The following HPS1 variants were observed in gnomAD, a reference collection of about 807,000 sequenced individuals.
HPS1 encodes HPS1 biogenesis of lysosomal organelles complex 3 subunit 1.
HPS1 carries 59 observed loss-of-function variants against 90.6 expected under a neutral mutation model. The observed-to-expected ratio is 0.65, with a 90% CI of 0.53 to 0.81. HPS1 has a LOEUF of 0.81. Among genes scored for constraint, HPS1 ranks in the 30% least tolerant of loss-of-function variants. The pLI is 0.00. For missense variants in HPS1, 849 were observed against 896.7 expected (o/e 0.95, Z 0.68); for synonymous variants, 388 against 384.4 (o/e 1.01, Z -0.11).
chr10:98,429,718 A>G, intron 9 of HPS1, 73 bp downstream of exon 9: 1 of 1,613,772 alleles, frequency 6.2e-7, no homozygotes, highest in South Asian at 1.1e-5. Context: ...CCCAGGAGGG[A>G]TGGGAAAGGC....
downstream of HPS1, chr10:98,415,120 G>A (rs764535970): frequency 6.8e-6 from 11 of 1,613,064 alleles, no homozygotes; most frequent in Middle Eastern, 1.6e-4. Flanking sequence ...CAGAGACCTC[G>A]GCCACTTGCA....
chr10:98,415,205 C>A (rs1038108195), downstream of HPS1: 11 of 1,550,630 alleles, frequency 7.1e-6, no homozygotes, highest in African/African-American at 1.2e-4. Flanking sequence ...GCCCTAGGCA[C>A]GGGGTGGAGC....
Position 98,445,083 on chromosome 10 carries a change from C to T in HPS1, c.-1+217G>A, listed in dbSNP as rs1939244602. Among the ~76,000 whole-genome samples the T allele has an allele frequency of 6.6e-6, 1 of 152,126 alleles. No homozygotes were observed. Among genetic ancestry groups the T allele is most frequent in the Non-Finnish European group, 1.5e-5 (1 of 68,026 alleles). On this transcript the variant is annotated intron_variant, in intron 2 of 19. Transcript: ENST00000361490. The surrounding 1 kb of genome is among the most constrained non-coding windows in gnomAD (Gnocchi z 4.5). Reference sequence around the variant, plus strand: ...GCTGGGAGGAGCTTTAAAGATGCAGCAGGCTGTGATGACCTGCCTGGATTC... The same window carrying T: ...GCTGGGAGGAGCTTTAAAGATGCAGTAGGCTGTGATGACCTGCCTGGATTC...
In HPS1 at chr10:98,443,264, G is replaced by C. The variant is rs187335580; in HGVS notation, c.1-24C>G. 1.9e-3 allele frequency: 3,056 copies of C among 1,572,946 alleles called. 7 individuals carry two copies. The highest frequency in any genetic ancestry group is 2.5e-3 in the Non-Finnish European group (2,843 of 1,142,478). Reference sequence around the variant, plus strand: ...ATCTGCCAGGGAAAGGCAAGGTCAAGGTCAGCCTCCAGCCCCAACATCTAT... The same window carrying C: ...ATCTGCCAGGGAAAGGCAAGGTCAACGTCAGCCTCCAGCCCCAACATCTAT... On this transcript the variant is annotated intron_variant, in intron 2 of 19. Coordinates refer to ENST00000361490, the MANE Select transcript of HPS1 (RefSeq NM_000195.5).
chr10:98,424,497 G>C, intron 13 of HPS1, 123 bp from the exon 14 acceptor site: 1 of 804,668 alleles, frequency 1.2e-6, no homozygotes, highest in Non-Finnish European at 2.1e-6. Context: ...TGCCCTTCTG[G>C]CCAATGCAGG....
At chr10:98,430,913 G>A (rs1846353328) in intron 7 of HPS1, among the ~76,000 whole-genome samples, 1 of 152,216 alleles carries the variant, frequency 6.6e-6, no homozygotes, top group Non-Finnish European at 1.5e-5. Flanking sequence ...AACATAAAAG[G>A]AAGTTCTAGA....
Position 98,420,172 on chromosome 10 carries a change from A to G in HPS1, c.1744-14T>C. 1 of 1,574,922 alleles carries G rather than the reference A, an allele frequency of 6.3e-7. No homozygotes were observed. The highest frequency in any genetic ancestry group is 1.3e-5 in the African/African-American group (1 of 74,208). ...CAGAGACCAGACCTGGGGAAAAGAC[A>G]GCAAGCATCACCACTCTCCCAGCCT... On this transcript the variant is annotated splice_polypyrimidine_tract_variant and intron_variant, in intron 17 of 19. Coordinates refer to ENST00000361490, the MANE Select transcript of HPS1 (RefSeq NM_000195.5).
chr10:98,443,637 G>A (rs1444139785), intron 2 of HPS1, among the ~76,000 whole-genome samples: 1 of 152,204 alleles, frequency 6.6e-6, no homozygotes, highest in Non-Finnish European at 1.5e-5. Context: ...GAATGCCCAG[G>A]GAGGCCATGC....
Position 98,435,427 on chromosome 10 carries a change from G to T in HPS1, c.256-13C>A. 1 of 1,613,646 alleles carries T rather than the reference G, an allele frequency of 6.2e-7. No individual in the cohort carries two copies. Among genetic ancestry groups the T allele is most frequent in the Non-Finnish European group, 8.5e-7 (1 of 1,180,014 alleles). ...GGCATTCTCCAAACTGCAGGCACAGGCAGGCCAGTGTCAGCCAGCCCCAAG... is the reference window on the plus strand; with the variant it reads ...GGCATTCTCCAAACTGCAGGCACAGTCAGGCCAGTGTCAGCCAGCCCCAAG... On this transcript the variant is annotated splice_polypyrimidine_tract_variant and intron_variant, in intron 4 of 19. Coordinates refer to ENST00000361490, the MANE Select transcript of HPS1 (RefSeq NM_000195.5). The surrounding 1 kb of genome is among the most constrained non-coding windows in gnomAD (Gnocchi z 4.3).
At chr10:98,434,146 A>C in intron 5 of HPS1, 55 bp from the exon 6 acceptor site, 1 of 1,511,088 alleles carries the variant, frequency 6.6e-7, no homozygotes, top group Admixed American at 2.0e-5. Context: ...GGTCTCCCCC[A>C]CACCCAACCA....
In HPS1 at chr10:98,417,407, G is replaced by T; in HGVS notation, c.*157C>A. The T allele has an allele frequency of 3.3e-6, 2 of 606,514 alleles. No individual in the cohort carries two copies. Among genetic ancestry groups the T allele is most frequent in the Non-Finnish European group, 5.8e-6 (2 of 346,636 alleles). The allele number at this position is 606,514 out of a possible 1,614,324, so 37.6% of individuals were successfully genotyped here. On this transcript the variant is annotated 3_prime_UTR_variant, in exon 20 of 20. Transcript: ENST00000361490. This position sits in a 1 kb window ranked among gnomAD's most constrained non-coding sequence, Gnocchi z 4.2. ...TTGCTCAGTACCTGACATGGAGGGT[G>T]GTCTAGGTGGGGTTTTAGAAGCCCT...
chr10:98,421,143 C>T (rs768151759), intron 17 of HPS1, among the ~76,000 whole-genome samples: 34 of 152,310 alleles, frequency 2.2e-4, no homozygotes, highest in Non-Finnish European at 3.7e-4. Context: ...CTACCCTTAA[C>T]GGGAGGGACA....
chr10:98,433,092 C>T (rs1352076617), intron 6 of HPS1, among the ~76,000 whole-genome samples: 1 of 151,956 alleles, frequency 6.6e-6, no homozygotes, highest in African/African-American at 2.4e-5. Context: ...ATTAGCCAGG[C>T]GTGGTGGCAC....
intron 11 of HPS1, 106 bp from the exon 12 acceptor site, chr10:98,426,091 A>T (rs1845570735): frequency 1.9e-6 from 2 of 1,034,952 alleles, no homozygotes; most frequent in African/African-American, 3.2e-5. Flanking sequence ...TAGCTCCAAG[A>T]AACTCCAGTT....
rs113962169 is a variant in HPS1, at chr10:98,425,662, A to G, written c.1214T>C (p.Leu405Pro). The change falls in exon 13 of 20, where the codon CTG (leucine) becomes CCG (proline). Residue 405 changes from leucine to proline, a missense_variant. Transcript: ENST00000361490. ...CGGCCCTTCCTTCAGCTTCTTCTCC[A>G]GCATGGAGAAGCCATCCATCAGCTG... ...LSQLMDGFSM[L>P]EKKLKEGPEP... 1 of 1,613,568 alleles carries G rather than the reference A, an allele frequency of 6.2e-7. No individual in the cohort carries two copies. Among genetic ancestry groups the G allele is most frequent in the Non-Finnish European group, 8.5e-7 (1 of 1,179,906 alleles).
chr10:98,421,642 G>A (rs541357806), intron 17 of HPS1, among the ~76,000 whole-genome samples: 1 of 152,306 alleles, frequency 6.6e-6, no homozygotes, highest in Admixed American at 6.5e-5. Context: ...TCCAGAATGA[G>A]GGGCAAGGAT....
Position 98,423,522 on chromosome 10 carries a change from A to G in HPS1, c.1598+81T>C, listed in dbSNP as rs981210321. On this transcript the variant is annotated intron_variant, in intron 16 of 19. Coordinates refer to ENST00000361490, the MANE Select transcript of HPS1 (RefSeq NM_000195.5). ...CATATATCCCCCTTCCCTGGGGCCC[A>G]TAGTCCCTCCAGGGAGCAGGTGTAG... 26 of 1,301,206 alleles carry G rather than the reference A, an allele frequency of 2.0e-5. No homozygotes were observed. The East Asian group carries it at 5.8e-4, about 29-fold the overall frequency. The allele number at this position is 1,301,206 out of a possible 1,614,324, so 80.6% of individuals were successfully genotyped here. A position where few individuals can be genotyped will look rare whatever the true frequency, so the allele number is the denominator to read the frequency against.
chr10:98,421,479 T>G (rs1174307925), intron 17 of HPS1, among the ~76,000 whole-genome samples: 1 of 152,220 alleles, frequency 6.6e-6, no homozygotes, highest in African/African-American at 2.4e-5. Context: ...CTAAAAATCA[T>G]GTCTATAAAG....
At chr10:98,419,523 C>G (rs528864587) in intron 18 of HPS1, among the ~76,000 whole-genome samples, 9 of 152,210 alleles carry the variant, frequency 5.9e-5, no homozygotes, top group South Asian at 2.1e-4. Flanking sequence ...TAAGCTCCCC[C>G]CACTGGACCC....
Sources: gnomAD v4.1 joint callset for allele counts (sites outside exome capture counted in the v4.1 genomes callset) on GRCh38, gnomAD v4.1.1 for gene constraint, Gnocchi (gnomAD v3.1) non-coding constraint, MANE v1.5 for transcripts, NCBI Gene and HGNC (gene_info 2026-07-23, HGNC 2026-07-21) for gene names.